Variants in ADAMTS17 observed in about 807,000 individuals in gnomAD.
The protein encoded by ADAMTS17 is ADAM metallopeptidase with thrombospondin type 1 motif 17.
ADAMTS17 carries 113 observed loss-of-function variants against 141.5 expected under a neutral mutation model. The observed-to-expected ratio is 0.80, with a 90% CI of 0.69 to 0.93. ADAMTS17 has a LOEUF of 0.93. Ranked by LOEUF, ADAMTS17 falls within the 40% of genes least tolerant of loss-of-function variation. The pLI, the probability that ADAMTS17 is intolerant of heterozygous loss-of-function variation, is 0.00. For synonymous variants in ADAMTS17, 768 were observed against 630.6 expected (o/e 1.22, Z -3.27); for missense variants, 1,659 against 1,517.9 (o/e 1.09, Z -1.54).
chr15:100,165,423 A>G (rs2039910182), intron 8 of ADAMTS17, among the ~76,000 whole-genome samples: 2 of 152,342 alleles, frequency 1.3e-5, no homozygotes, highest in East Asian at 1.9e-4. Flanking sequence ...CCATGGCTTC[A>G]TGATAGGATG....
intron 18 of ADAMTS17, among the ~76,000 whole-genome samples, chr15:100,013,418 T>C (rs2141413818): frequency 6.6e-6 from 1 of 152,314 alleles, no homozygotes; most frequent in South Asian, 2.1e-4. Flanking sequence ...CTTCCAGTAC[T>C]ATGTTGAAGA....
Position 100,199,311 on chromosome 15 carries a change from T to C in ADAMTS17, c.1181+7A>G, listed in dbSNP as rs1286723914. ...GAAAACAGGACGACACAGAGTCTGATACTTACTTGTGGCCCAGCTCATGGG... is the reference window on the plus strand; with the variant it reads ...GAAAACAGGACGACACAGAGTCTGACACTTACTTGTGGCCCAGCTCATGGG... On this transcript the variant is annotated splice_region_variant and intron_variant, in intron 8 of 21. Transcript: ENST00000268070. The C allele has an allele frequency of 5.6e-6, 9 of 1,612,772 alleles. No homozygotes were observed. Among genetic ancestry groups the C allele is most frequent in the Middle Eastern group, 1.6e-4 (1 of 6,084 alleles).
At chr15:100,214,785 G>C (rs1385525156) in intron 7 of ADAMTS17, among the ~76,000 whole-genome samples, 1 of 152,216 alleles carries the variant, frequency 6.6e-6, no homozygotes, top group Non-Finnish European at 1.5e-5. Context: ...TCCTTAGCTA[G>C]TCATCCCAAT....
Position 100,201,221 on chromosome 15 carries a change from C to T in ADAMTS17, c.1076-1798G>A, listed in dbSNP as rs567710467. Reference sequence around the variant, plus strand: ...TAATCCCCATGTGTCAGGGAGGGACCGGGTGGGAAGTGATTGGATCATGGG... The same window carrying T: ...TAATCCCCATGTGTCAGGGAGGGACTGGGTGGGAAGTGATTGGATCATGGG... On this transcript the variant is annotated intron_variant, in intron 7 of 21. Transcript: ENST00000268070. Among the ~76,000 whole-genome samples the T allele has an allele frequency of 3.9e-5, 6 of 152,116 alleles. No individual in the cohort carries two copies. The East Asian group carries it at 5.8e-4, about 15-fold the overall frequency.
At chr15:100,203,007 T>C (rs867379910) in intron 7 of ADAMTS17, among the ~76,000 whole-genome samples, 5 of 152,220 alleles carry the variant, frequency 3.3e-5, no homozygotes, top group African/African-American at 4.8e-5. Context: ...CAATTCCACA[T>C]GTTTGCATAG....
At chr15:100,139,952 T>G (rs1027023264) in intron 10 of ADAMTS17, among the ~76,000 whole-genome samples, 5 of 152,130 alleles carry the variant, frequency 3.3e-5, no homozygotes, top group Non-Finnish European at 7.3e-5. Flanking sequence ...AATTTCCTGG[T>G]TTTCATTATG....
intron 8 of ADAMTS17, among the ~76,000 whole-genome samples, chr15:100,168,040 C>T (rs943349909): frequency 1.3e-5 from 2 of 152,220 alleles, no homozygotes; most frequent in African/African-American, 4.8e-5. Flanking sequence ...CACCGCAGGA[C>T]GAACAAGGCG....
At chr15:100,138,116 G>A (rs2038432499) in intron 10 of ADAMTS17, among the ~76,000 whole-genome samples, 1 of 148,642 alleles carries the variant, frequency 6.7e-6, no homozygotes, top group African/African-American at 2.5e-5. Context: ...GAGACACCCA[G>A]GTTAAACCAG....
At chr15:100,008,030 G>A (rs898563288) in intron 18 of ADAMTS17, among the ~76,000 whole-genome samples, 1 of 152,156 alleles carries the variant, frequency 6.6e-6, no homozygotes, top group African/African-American at 2.4e-5. Flanking sequence ...GCTGGGGCCT[G>A]AAAGGCATCT....
intron 7 of ADAMTS17, among the ~76,000 whole-genome samples, chr15:100,210,291 T>C (rs923073426): frequency 2.3e-5 from 3 of 131,046 alleles, no homozygotes; most frequent in Non-Finnish European, 3.2e-5. Context: ...GGGTAAGTAA[T>C]GAGGCAGCGG....
At chr15:100,180,642 A>G (rs1339831811) in intron 8 of ADAMTS17, among the ~76,000 whole-genome samples, 1 of 152,206 alleles carries the variant, frequency 6.6e-6, no homozygotes, top group Non-Finnish European at 1.5e-5. Context: ...TATTCTTACA[A>G]TTCATGAACG....
chr15:100,249,584 T>G (rs936434229), intron 7 of ADAMTS17, among the ~76,000 whole-genome samples: 1 of 152,134 alleles, frequency 6.6e-6, no homozygotes, highest in African/African-American at 2.4e-5. Context: ...AACTTCTATG[T>G]GATGTCAGTG....
intron 10 of ADAMTS17, among the ~76,000 whole-genome samples, chr15:100,140,943 G>C (rs372608118): frequency 2.0e-5 from 3 of 152,320 alleles, no homozygotes; most frequent in African/African-American, 4.8e-5. Flanking sequence ...TGATGCACTA[G>C]AACAGGGTGG....
chr15:100,295,704 AGACACT>A (rs1201983786), intron 3 of ADAMTS17, among the ~76,000 whole-genome samples: 1 of 152,222 alleles, frequency 6.6e-6, no homozygotes, highest in Non-Finnish European at 1.5e-5. Flanking sequence ...TTGCTCGTGC[AGACACT>A]GACACTGACA....
chr15:99,973,900 C>T lies in ADAMTS17; in HGVS notation c.*502G>A, dbSNP rs941891754. On this transcript the variant is annotated 3_prime_UTR_variant, in exon 22 of 22. Transcript: ENST00000268070. ...GGTCAAGAAGGTAGATGGAGAGAAA[C>T]GTGTGCTAAGCAGCCCGGCCCTCCC... 4.6e-5 allele frequency: 10 copies of T among 217,814 alleles called. No individual in the cohort carries two copies. The highest frequency in any genetic ancestry group is 1.4e-4 in the African/African-American group (6 of 42,766). The allele number at this position is 217,814 out of a possible 1,614,324, so 13.5% of individuals were successfully genotyped here.
intron 18 of ADAMTS17, 33 bp downstream of exon 18, chr15:100,048,824 G>A: frequency 6.2e-7 from 1 of 1,614,032 alleles, no homozygotes; most frequent in Non-Finnish European, 8.5e-7. Flanking sequence ...CCCAGACTCT[G>A]GTGGGTCCAA....
At chr15:100,126,047 G>C (rs915919158) in intron 12 of ADAMTS17, 1 of 152,238 alleles carries the variant, frequency 6.6e-6, no homozygotes, top group East Asian at 1.9e-4. Flanking sequence ...GGAGTGAGAC[G>C]GGGAGAGGAC....
intron 18 of ADAMTS17, among the ~76,000 whole-genome samples, chr15:100,002,004 A>AAAGGCCAAAACC (rs2060936371): frequency 6.7e-6 from 1 of 149,420 alleles, no homozygotes; most frequent in South Asian, 2.1e-4. Context: ...CAAAAAAAAA[A>AAAGGCCAAAACC]AAAAAAAAAA....
intron 7 of ADAMTS17, among the ~76,000 whole-genome samples, chr15:100,209,255 G>A (rs935079572): frequency 2.0e-5 from 3 of 152,052 alleles, no homozygotes; most frequent in South Asian, 4.2e-4. Context: ...TCGGGACAAG[G>A]GTAAGCTCTT....
Sources: gnomAD v4.1 joint callset for allele counts (sites outside exome capture counted in the v4.1 genomes callset) on GRCh38, gnomAD v4.1.1 for gene constraint, MANE v1.5 for transcripts, NCBI Gene and HGNC (gene_info 2026-07-23, HGNC 2026-07-21) for gene names.